XKR4: variants seen among roughly 807,000 people sequenced by gnomAD.
XKR4 encodes the protein XK-related protein 4.
Under a neutral mutation model 53.9 loss-of-function variants are expected in XKR4, and 12 were observed. That is an observed-to-expected ratio of 0.22 (90% CI 0.14 to 0.36). The LOEUF (loss-of-function observed/expected upper bound fraction) is 0.36, where lower values mean the gene tolerates loss of function less well. Among genes scored for constraint, XKR4 ranks in the 10% least tolerant of loss-of-function variants. XKR4 has a pLI of 1.00. For missense variants in XKR4, 799 were observed against 859.5 expected, an observed-to-expected ratio of 0.93 and a Z score of 0.88; for synonymous variants, 354 against 362.4, an observed-to-expected ratio of 0.98 and a Z score of 0.26.
intron 1 of XKR4, among the ~76,000 whole-genome samples, chr8:55,200,408 G>T (rs1046090396): frequency 2.6e-5 from 4 of 152,180 alleles, no homozygotes; most frequent in African/African-American, 7.2e-5. Flanking sequence ...CATGGTGAGG[G>T]TAAAGGTAGC....
intron 1 of XKR4, among the ~76,000 whole-genome samples, chr8:55,137,334 G>T (rs1816644890): frequency 6.6e-6 from 1 of 152,016 alleles, no homozygotes; most frequent in African/African-American, 2.4e-5. Context: ...CCTTTAAAGT[G>T]ATTACCTCAA....
chr8:55,514,678 A>T (rs1806685461), intron 2 of XKR4, among the ~76,000 whole-genome samples: 1 of 152,204 alleles, frequency 6.6e-6, no homozygotes, highest in African/African-American at 2.4e-5. Context: ...ACAAAAAAAC[A>T]AACAAAAAAA....
intron 1 of XKR4, among the ~76,000 whole-genome samples, chr8:55,327,932 G>A (rs184880899): frequency 6.2e-4 from 94 of 152,292 alleles, no homozygotes; most frequent in Non-Finnish European, 9.4e-4. Context: ...TGATAAAAAT[G>A]CTAGTATCTA....
At chr8:55,152,850 A>T (rs1252316608) in intron 1 of XKR4, among the ~76,000 whole-genome samples, 4 of 152,220 alleles carry the variant, frequency 2.6e-5, no homozygotes. Context: ...ATTTGAGCCT[A>T]GGCAAGTTAC....
At chr8:55,335,072 C>T (rs1308203975) in intron 1 of XKR4, among the ~76,000 whole-genome samples, 1 of 152,156 alleles carries the variant, frequency 6.6e-6, no homozygotes, top group African/African-American at 2.4e-5. Flanking sequence ...AAATTTTAGA[C>T]AACATAGGGC....
intron 1 of XKR4, among the ~76,000 whole-genome samples, chr8:55,254,619 GC>G (rs1277167035): frequency 6.6e-6 from 1 of 152,188 alleles, no homozygotes; most frequent in Non-Finnish European, 1.5e-5. Flanking sequence ...CGTTCCTGAT[GC>G]TAGAAAGGCA....
intron 1 of XKR4, among the ~76,000 whole-genome samples, chr8:55,309,715 C>T (rs564418420): frequency 1.3e-5 from 2 of 152,276 alleles, no homozygotes; most frequent in South Asian, 4.2e-4. Context: ...CTCTGTATCA[C>T]TTCTTGCAGC....
rs1563352053 is a variant in XKR4 at position 55,446,624 on chromosome 8, C to T, written c.1007-76657C>T. On this transcript the variant is annotated intron_variant, in intron 2 of 2. Coordinates refer to ENST00000327381, the MANE Select transcript of XKR4 (RefSeq NM_052898.2). ...TCGGCCTCCCAAAGTGCTGGGATTA[C>T]AGGCGTGAGCTACTGTGCCCGGCTA... 2.6e-5 allele frequency among the ~76,000 whole-genome samples: 4 copies of T among 152,312 alleles called. No individual in the cohort carries two copies. The South Asian group carries it at 8.3e-4, about 32-fold the overall frequency.
At chr8:55,406,013 A>G (rs926562218) in intron 2 of XKR4, among the ~76,000 whole-genome samples, 1 of 152,190 alleles carries the variant, frequency 6.6e-6, no homozygotes, top group Non-Finnish European at 1.5e-5. Flanking sequence ...TAGATTTTAT[A>G]GTCTCAACCA....
At position 55,531,819 on chromosome 8, in the gene XKR4, T is replaced by A. The variant is rs972635012; in HGVS notation, c.*7592T>A. 1 of 152,246 alleles carries A rather than the reference T, an allele frequency of 6.6e-6. No individual in the cohort carries two copies. Among genetic ancestry groups the A allele is most frequent in the African/African-American group, 2.4e-5 (1 of 41,468 alleles). The allele number at this position is 152,246 out of a possible 1,614,324, so 9.4% of individuals were successfully genotyped here. The stretch of plus-strand genomic sequence containing the variant: ...TGTATTTCTCCAGCATACTGGTTAT[T>A]TAGGAATAACAAATTTCTGGACATA... On this transcript the variant is annotated 3_prime_UTR_variant, in exon 3 of 3. Transcript: ENST00000327381.
intron 2 of XKR4, among the ~76,000 whole-genome samples, chr8:55,490,524 A>G (rs1806256431): frequency 6.6e-6 from 1 of 152,184 alleles, no homozygotes; most frequent in South Asian, 2.1e-4. Context: ...CAATATACCC[A>G]GGTAACAAAC....
At chr8:55,369,640 C>T (rs1459937295) in intron 2 of XKR4, among the ~76,000 whole-genome samples, 1 of 151,644 alleles carries the variant, frequency 6.6e-6, no homozygotes, top group Non-Finnish European at 1.5e-5. Context: ...TATTTTGTTG[C>T]TTATCTGTGT....
intron 2 of XKR4, among the ~76,000 whole-genome samples, chr8:55,467,927 T>A (rs1165095310): frequency 1.3e-5 from 2 of 152,172 alleles, no homozygotes; most frequent in African/African-American, 4.8e-5. Flanking sequence ...TCTTTCAGTG[T>A]CTTAAAAATT....
chr8:55,148,729 C>T lies in XKR4; in HGVS notation c.806+45435C>T, dbSNP rs368444448. On this transcript the variant is annotated intron_variant, in intron 1 of 2. Transcript: ENST00000327381. ...TTTTTCTTTTCTTTATTTCCTTAAA[C>T]AATTAACAGCCAACTCTAAACCCAT... Among the ~76,000 whole-genome samples the T allele has an allele frequency of 5.3e-5, 8 of 152,038 alleles. No individual in the cohort carries two copies. In the East Asian group the frequency reaches 1.5e-3, roughly 29 times the overall value.
At chr8:55,386,555 G>T (rs1026357255) in intron 2 of XKR4, among the ~76,000 whole-genome samples, 3 of 152,226 alleles carry the variant, frequency 2.0e-5, no homozygotes, top group Non-Finnish European at 4.4e-5. Context: ...AGAAGTTTCT[G>T]TAGGTTAAAG....
chr8:55,144,050 G>A (rs896251356), intron 1 of XKR4, among the ~76,000 whole-genome samples: 7 of 152,044 alleles, frequency 4.6e-5, no homozygotes, highest in African/African-American at 1.4e-4. Context: ...CTGAATTATC[G>A]CAGCAGACTT....
intron 1 of XKR4, among the ~76,000 whole-genome samples, chr8:55,199,821 T>C (rs1442730159): frequency 6.6e-6 from 1 of 152,270 alleles, no homozygotes; most frequent in Non-Finnish European, 1.5e-5. Flanking sequence ...ACAGATACTG[T>C]GTTATGCACT....
chr8:55,393,564 T>G (rs1422112968), intron 2 of XKR4, among the ~76,000 whole-genome samples: 2 of 152,196 alleles, frequency 1.3e-5, no homozygotes, highest in African/African-American at 2.4e-5. Flanking sequence ...TGCTTTTGTT[T>G]GGTTTGAAAT....
chr8:55,454,152 G>A (rs1356815741), intron 2 of XKR4: 1 of 936,372 alleles, frequency 1.1e-6, no homozygotes, highest in Admixed American at 1.7e-5. Context: ...TCCGGGTCCA[G>A]GACCATTCTT....
Sources: allele counts gnomAD v4.1 joint callset (sites outside exome capture counted in the v4.1 genomes callset), GRCh38; gene constraint gnomAD v4.1.1; transcripts MANE v1.5; gene names NCBI Gene and HGNC (gene_info 2026-07-23, HGNC 2026-07-21).